The following LCK variants were observed in gnomAD, a reference collection of about 807,000 sequenced individuals.
LCK encodes tyrosine-protein kinase Lck.
A neutral mutation model predicts 64.6 loss-of-function variants in LCK; 14 were observed. The ratio of observed to expected loss-of-function variants is 0.22; its 90% CI spans 0.14 to 0.34. The LOEUF (loss-of-function observed/expected upper bound fraction) is 0.34. Among genes scored for constraint, LCK ranks in the 10% least tolerant of loss-of-function variants. LCK has a pLI of 1.00. For missense variants in LCK, 434 were observed against 668.1 expected (o/e 0.65, Z 3.86); for synonymous variants, 277 against 263.6 (o/e 1.05, Z -0.49).
intron 1 of LCK, among the ~76,000 whole-genome samples, chr1:32,264,038 G>A (rs1442428599): frequency 1.3e-5 from 2 of 152,064 alleles, no homozygotes; most frequent in African/African-American, 2.4e-5. Context: ...GTCTCATTCT[G>A]TTATATATCC....
intron 1 of LCK, among the ~76,000 whole-genome samples, chr1:32,258,560 T>A (rs1389574418): frequency 6.7e-6 from 1 of 148,684 alleles, no homozygotes; most frequent in South Asian, 2.1e-4. Flanking sequence ...GGCAGGTGGA[T>A]CACAACATCA....
At chr1:32,278,586 G>A (rs767366980) in intron 9 of LCK, among the ~76,000 whole-genome samples, 29 of 152,168 alleles carry the variant, frequency 1.9e-4, no homozygotes, top group Middle Eastern at 3.4e-3. Flanking sequence ...TGATCCTCCC[G>A]CCTTGGCCTC....
intron 1 of LCK, among the ~76,000 whole-genome samples, chr1:32,261,065 T>TTTAA (rs1213316650): frequency 6.6e-6 from 1 of 151,912 alleles, no homozygotes; most frequent in Non-Finnish European, 1.5e-5. Context: ...TTTAATTTAA[T>TTTAA]TTAATTAATT....
rs1489514981 is a variant in LCK, at chr1:32,275,884, G to A, written c.482-30G>A. 1.4e-5 allele frequency: 23 copies of A among 1,612,218 alleles called. No homozygotes were observed. Among genetic ancestry groups the A allele is most frequent in the Non-Finnish European group, 1.9e-5 (22 of 1,178,640 alleles). On this transcript the variant is annotated intron_variant, in intron 6 of 12. Transcript: ENST00000336890. The surrounding 1 kb of genome is among the most constrained non-coding windows in gnomAD (Gnocchi z 6.9). ...CGGGCCAGACTCACTGCGTTCTTTC[G>A]TCGCTTTGTCCATCCATTCATTCAT... is the stretch of plus-strand genomic sequence containing the variant.
At chr1:32,263,420 A>C (rs1639833257) in intron 1 of LCK, among the ~76,000 whole-genome samples, 1 of 139,704 alleles carries the variant, frequency 7.2e-6, no homozygotes, top group African/African-American at 2.9e-5. Flanking sequence ...TAAATAAATA[A>C]ATAAATAAAT....
At position 32,275,478 on chromosome 1, in the gene LCK, G is replaced by A; in HGVS notation, c.377+59G>A. ...GCAGATCTAGGGATCCTGGAGCAGG[G>A]AGTAGGCCTGGGGTGGCGGTGAAGG... On this transcript the variant is annotated intron_variant, in intron 5 of 12. Coordinates refer to ENST00000336890, the MANE Select transcript of LCK (RefSeq NM_005356.5). This position sits in a 1 kb window ranked among gnomAD's most constrained non-coding sequence, Gnocchi z 6.9. 16 of 1,587,064 alleles carry A rather than the reference G, an allele frequency of 1.0e-5. No homozygotes were observed. The highest frequency in any genetic ancestry group is 2.3e-5 in the East Asian group (1 of 44,108).
chr1:32,276,849 T>G lies in LCK; in HGVS notation c.964+63T>G, dbSNP rs1268733226. On this transcript the variant is annotated intron_variant, in intron 9 of 12. Coordinates refer to ENST00000336890, the MANE Select transcript of LCK (RefSeq NM_005356.5). This position sits in a 1 kb window ranked among gnomAD's most constrained non-coding sequence, Gnocchi z 4.6. ...TCTCCCTGCTGTCCCTGCCAGAGGG[T>G]GGAAATACACCTTTTCTTCTGGCCC... 4 of 1,433,626 alleles carry G rather than the reference T, an allele frequency of 2.8e-6. No individual in the cohort carries two copies. The highest frequency in any genetic ancestry group is 2.3e-5 in the Admixed American group (1 of 44,176). 88.8% of individuals were successfully genotyped at this position (1,433,626 alleles called of 1,614,324 possible).
chr1:32,259,629 A>T (rs529377979), intron 1 of LCK, among the ~76,000 whole-genome samples: 48 of 149,544 alleles, frequency 3.2e-4, no homozygotes, highest in South Asian at 3.0e-3. Context: ...AAAAAAATAA[A>T]AATAATAATA....
At position 32,276,383 on chromosome 1, in the gene LCK, C is replaced by G; in HGVS notation, c.678C>G (p.Thr226=). Residue 226 remains threonine, a synonymous_variant, in exon 8 of 13, where the codon ACC becomes ACG. Transcript: ENST00000336890. The surrounding 1 kb of genome is among the most constrained non-coding windows in gnomAD (Gnocchi z 4.6). ...CACGGTTGAGCCGCCCCTGCCAGAC[C>G]CAGAAGCCCCAGAAGCCGTGGTGGG... ...LCTRLSRPCQ[T]QKPQKPWWED... The G allele has an allele frequency of 6.2e-7, 1 of 1,611,596 alleles. No homozygotes were observed. Among genetic ancestry groups the G allele is most frequent in the South Asian group, 1.1e-5 (1 of 90,886 alleles).
rs776176152 is a variant in LCK at position 32,279,990 on chromosome 1, G to T, written c.1191G>T (p.Arg397Ser). Residue 397 changes from arginine (R) to serine (S), a missense_variant, in exon 11 of 13, where the codon AGG becomes AGT. This residue lies in a region of LCK where 201 missense variants were observed against 376.9 expected (regional missense o/e 0.53). Transcript: ENST00000336890. ...TTGAGGACAACGAGTACACAGCCAG[G>T]GAGGGTACGTGTGAGATTTAAGGGT... ...RLIEDNEYTA[R>S]EGAKFPIKWT... The T allele has an allele frequency of 1.2e-6, 2 of 1,614,046 alleles. No individual in the cohort carries two copies. Among genetic ancestry groups the T allele is most frequent in the Non-Finnish European group, 1.7e-6 (2 of 1,180,044 alleles).
At chr1:32,270,691 A>ATTT (rs1557579881) in intron 1 of LCK, among the ~76,000 whole-genome samples, 1 of 83,412 alleles carries the variant, frequency 1.2e-5, no homozygotes, top group African/African-American at 4.9e-5. Context: ...TCGTGCCCGG[A>ATTT]CTTTTTTTTT....
intron 1 of LCK, among the ~76,000 whole-genome samples, chr1:32,270,967 G>T (rs1031542136): frequency 3.3e-5 from 5 of 149,734 alleles, no homozygotes; most frequent in Non-Finnish European, 7.4e-5. Flanking sequence ...CTCCCAAAGT[G>T]CTGGGATTAC....
chr1:32,269,339 G>A (rs527433959), intron 1 of LCK: 1 of 152,038 alleles, frequency 6.6e-6, no homozygotes, highest in East Asian at 2.0e-4. Flanking sequence ...TCAGGGGGCT[G>A]AGGCAGGAGA....
chr1:32,251,937 A>AGG lies in LCK; in HGVS notation c.-6+566_-6+567insGG, dbSNP rs1491479733. On this transcript the variant is annotated intron_variant, in intron 1 of 12. Transcript: ENST00000336890. This position sits in a 1 kb window ranked among gnomAD's most constrained non-coding sequence, Gnocchi z 4.0. ...GAGAGAGAGAGAGAGAGAGAGAGAG[A>AGG]CAGAGATCACCCAAGGCATCCAGAT... 7.9e-5 allele frequency among the ~76,000 whole-genome samples: 11 copies of AGG among 139,862 alleles called. No individual in the cohort carries two copies. In the East Asian group the frequency reaches 2.3e-3, roughly 29 times the overall value. 91.8% of individuals were successfully genotyped at this position (139,862 alleles called of 152,430 possible).
At chr1:32,274,875 TTCCACCTCTCC>T (rs1251243521) in intron 3 of LCK, 57 bp downstream of exon 3, 3 of 1,613,788 alleles carry the variant, frequency 1.9e-6, no homozygotes, top group Non-Finnish European at 1.7e-6. Context: ...GGCTGTTGGC[TTCCACCTCTCC>T]CCCACCTACT....
At chr1:32,282,710 G>T (rs1640498491) in intron 12 of LCK, among the ~76,000 whole-genome samples, 1 of 152,030 alleles carries the variant, frequency 6.6e-6, no homozygotes, top group African/African-American at 2.4e-5. Flanking sequence ...AGAGGCTGGG[G>T]CAAGAGAATC....
intron 2 of LCK, 61 bp from the exon 3 acceptor site, chr1:32,274,676 G>A (rs889461597): frequency 4.4e-6 from 6 of 1,353,774 alleles, no homozygotes; most frequent in East Asian, 2.3e-5. Context: ...AGGGGGGAAG[G>A]GGGCCAGGGT....
rs1640285294 is a variant in LCK, at chr1:32,276,748, A to G, written c.926A>G (p.Gln309Arg). 19 of 1,613,158 alleles carry G rather than the reference A, an allele frequency of 1.2e-5. No homozygotes were observed. The highest frequency in any genetic ancestry group is 1.5e-5 in the Non-Finnish European group (18 of 1,179,496). The change falls in exon 9 of 13, where the codon CAG (glutamine) becomes CGG (arginine). Residue 309 changes from glutamine to arginine, a missense_variant. Transcript: ENST00000336890. This position sits in a 1 kb window ranked among gnomAD's most constrained non-coding sequence, Gnocchi z 4.6. Reference protein sequence around the residue: ...RLVRLYAVVTQEPIYIITEYM... With the variant: ...RLVRLYAVVTREPIYIITEYM... ...GTTCGGCTCTACGCTGTGGTCACCC[A>G]GGAGCCCATCTACATCATCACTGAA...
chr1:32,282,941 T>C (rs1471136024), intron 12 of LCK, among the ~76,000 whole-genome samples: 2 of 152,038 alleles, frequency 1.3e-5, no homozygotes, highest in Non-Finnish European at 2.9e-5. Flanking sequence ...CACCCTTAAC[T>C]CTGGCCATGG....
Sources: gnomAD v4.1 joint callset for allele counts (sites outside exome capture counted in the v4.1 genomes callset) on GRCh38, gnomAD v4.1.1 for gene constraint, gnomAD v4.1.1 regional missense constraint, Gnocchi (gnomAD v3.1) non-coding constraint, MANE v1.5 for transcripts, NCBI Gene and HGNC (gene_info 2026-07-23, HGNC 2026-07-21) for gene names.